SLC26A7: variants seen among roughly 807,000 people sequenced by gnomAD.
SLC26A7 encodes anion exchange transporter.
In SLC26A7, 59 loss-of-function variants were observed where a neutral mutation model predicts 82.5. The ratio of observed to expected loss-of-function variants is 0.72; its 90% CI spans 0.58 to 0.89. The LOEUF (loss-of-function observed/expected upper bound fraction) is 0.89. Ranked by LOEUF, SLC26A7 falls within the 40% of genes least tolerant of loss-of-function variation. SLC26A7 has a pLI of 0.00. For missense variants in SLC26A7, 820 were observed against 793.0 expected (o/e 1.03, Z -0.41); for synonymous variants, 271 against 274.3 (o/e 0.99, Z 0.12).
At chr8:91,213,134 AT>A (rs1809965225) in intron 1 of SLC26A7, among the ~76,000 whole-genome samples, 1 of 152,102 alleles carries the variant, frequency 6.6e-6, no homozygotes, top group Non-Finnish European at 1.5e-5. Flanking sequence ...TTCAGAGGAT[AT>A]TGATTATGCA....
intron 2 of SLC26A7, among the ~76,000 whole-genome samples, chr8:91,278,525 A>C (rs953749446): frequency 6.6e-6 from 1 of 152,204 alleles, no homozygotes; most frequent in African/African-American, 2.4e-5. Context: ...GTATATCACG[A>C]AATTAATGCA....
chr8:91,341,032 A>G (rs1213943843), intron 8 of SLC26A7, among the ~76,000 whole-genome samples: 2 of 150,344 alleles, frequency 1.3e-5, no homozygotes, highest in East Asian at 2.0e-4. Context: ...ACATGTGCAC[A>G]TTGTGCAGGT....
chr8:91,290,527 C>G (rs1430459401), intron 3 of SLC26A7, among the ~76,000 whole-genome samples: 1 of 152,160 alleles, frequency 6.6e-6, no homozygotes, highest in Non-Finnish European at 1.5e-5. Flanking sequence ...TGTAAACATG[C>G]AGTATCGCAT....
chr8:91,227,574 C>A (rs747843918), intron 2 of SLC26A7, among the ~76,000 whole-genome samples: 2 of 152,062 alleles, frequency 1.3e-5, no homozygotes, highest in African/African-American at 4.8e-5. Context: ...CTCAATATTA[C>A]GAACAACTTT....
chr8:91,319,198 C>T (rs1044374247), intron 5 of SLC26A7, among the ~76,000 whole-genome samples: 7 of 152,104 alleles, frequency 4.6e-5, no homozygotes, highest in South Asian at 4.1e-4. Flanking sequence ...TACATGGCCC[C>T]GTGAGGATCC....
intron 2 of SLC26A7, among the ~76,000 whole-genome samples, chr8:91,224,799 C>G (rs1031638841): frequency 2.0e-5 from 3 of 152,214 alleles, no homozygotes; most frequent in African/African-American, 7.2e-5. Context: ...GAGGCTAAGT[C>G]TGCTGGTCCT....
At chr8:91,353,055 A>G in intron 11 of SLC26A7, 59 bp downstream of exon 11, 2 of 1,106,478 alleles carry the variant, frequency 1.8e-6, no homozygotes, top group South Asian at 2.7e-5. Flanking sequence ...GTTACCAAAT[A>G]TGCACTAATA....
At chr8:91,246,333 C>G (rs1245747343), upstream of SLC26A7, among the ~76,000 whole-genome samples, 1 of 152,106 alleles carries the variant, frequency 6.6e-6, no homozygotes, top group African/African-American at 2.4e-5. Flanking sequence ...TCTCATGAGT[C>G]AGACTGGATA....
chr8:91,351,844 T>C lies in SLC26A7; in HGVS notation c.1175T>C (p.Ile392Thr). 6.2e-7 allele frequency: 1 copy of C among 1,612,686 alleles called. No homozygotes were observed. The highest frequency in any genetic ancestry group is 8.5e-7 in the Non-Finnish European group (1 of 1,178,940). ...ACLISCIFVLIVIYAIGPLLY... is the reference protein window; with the variant it reads ...ACLISCIFVLTVIYAIGPLLY... Reference sequence around the variant, plus strand: ...CTAATATCTTGCATTTTCGTCCTTATAGTCATCTATGCAATAGGACCTTTG... The same window carrying C: ...CTAATATCTTGCATTTTCGTCCTTACAGTCATCTATGCAATAGGACCTTTG... The change falls in exon 10 of 19, where the codon ATA becomes ACA. Residue 392 changes from isoleucine to threonine, a missense_variant. Ile to Thr is a moderately conservative substitution (Grantham distance 89, BLOSUM62 -1). Coordinates refer to ENST00000276609, the MANE Select transcript of SLC26A7 (RefSeq NM_052832.4).
chr8:91,304,558 C>G (rs915514484), intron 4 of SLC26A7, among the ~76,000 whole-genome samples: 19 of 152,174 alleles, frequency 1.2e-4, no homozygotes, highest in Admixed American at 9.2e-4. Context: ...TACCCAGTCT[C>G]AGGTAGTTCT....
At chr8:91,364,495 C>A (rs576264293) in intron 13 of SLC26A7, among the ~76,000 whole-genome samples, 5 of 152,130 alleles carry the variant, frequency 3.3e-5, no homozygotes, top group African/African-American at 9.7e-5. Context: ...CCAGGGTGTT[C>A]TAGGCTCAAG....
chr8:91,295,705 TAAGTGATACTGACACTTGAGCACAAAGA>T lies in SLC26A7; in HGVS notation c.477+6_477+33del. On this transcript the variant is annotated splice_donor_5th_base_variant and intron_variant, in intron 4 of 18. Transcript: ENST00000276609. ...TCCTTCTTGGGAGGTGTGATTCAGG[TAAGTGATACTGACACTTGAGCACAAAGA>T]AAGGGACACAGCGGCACAGGGAAGG... The T allele has an allele frequency of 6.2e-7, 1 of 1,613,482 alleles. No homozygotes were observed. The highest frequency in any genetic ancestry group is 8.5e-7 in the Non-Finnish European group (1 of 1,179,708).
intron 18 of SLC26A7, chr8:91,394,348 T>C: frequency 6.3e-7 from 1 of 1,582,158 alleles, no homozygotes; most frequent in Non-Finnish European, 8.6e-7. Flanking sequence ...TCTACTGTCC[T>C]GGGGACTTGA....
chr8:91,266,150 A>C (rs978160059), intron 2 of SLC26A7, among the ~76,000 whole-genome samples: 2 of 151,822 alleles, frequency 1.3e-5, no homozygotes. Flanking sequence ...TCTGTAGTAT[A>C]TTTTGAAGTT....
intron 11 of SLC26A7, 72 bp downstream of exon 11, chr8:91,353,068 T>G: frequency 3.1e-6 from 3 of 982,974 alleles, no homozygotes; most frequent in Non-Finnish European, 4.6e-6. Flanking sequence ...CACTAATACT[T>G]TTATTTGCAG....
At chr8:91,364,056 T>G (rs750205943) in intron 13 of SLC26A7, among the ~76,000 whole-genome samples, 27 of 152,010 alleles carry the variant, frequency 1.8e-4, no homozygotes, top group Non-Finnish European at 3.1e-4. Flanking sequence ...GTGGGTACCT[T>G]TTTAAGGACA....
chr8:91,255,432 G>A (rs181761239), intron 2 of SLC26A7, among the ~76,000 whole-genome samples: 13 of 152,194 alleles, frequency 8.5e-5, no homozygotes, highest in African/African-American at 3.1e-4. Context: ...GACTTGTCTG[G>A]GAATGTTTCC....
intron 2 of SLC26A7, among the ~76,000 whole-genome samples, chr8:91,257,582 C>A (rs1810838853): frequency 3.3e-5 from 5 of 151,918 alleles, no homozygotes; most frequent in Admixed American, 3.3e-4. Context: ...CCTCAGACAG[C>A]ATAGTTTCTT....
chr8:91,267,887 T>A (rs1485720931), intron 2 of SLC26A7, among the ~76,000 whole-genome samples: 1 of 151,884 alleles, frequency 6.6e-6, no homozygotes, highest in African/African-American at 2.4e-5. Context: ...GATTTATTGC[T>A]ATAAACTTCT....
Sources: gnomAD v4.1 joint callset for allele counts (sites outside exome capture counted in the v4.1 genomes callset) on GRCh38, gnomAD v4.1.1 for gene constraint, MANE v1.5 for transcripts, NCBI Gene and HGNC (gene_info 2026-07-23, HGNC 2026-07-21) for gene names.